ANKRD28: variants seen among roughly 807,000 people sequenced by gnomAD.
ANKRD28 encodes ankyrin repeat domain 28.
ANKRD28 carries 44 observed loss-of-function variants against 126.5 expected under a neutral mutation model. The observed-to-expected ratio is 0.35, with a 90% confidence interval of 0.27 to 0.45. The LOEUF is 0.45. Ranked by LOEUF, ANKRD28 falls within the 20% of genes least tolerant of loss-of-function variation. The pLI is 1.00. For missense variants in ANKRD28, 1,110 were observed against 1,316.6 expected (o/e 0.84, Z 2.43); for synonymous variants, 442 against 468.5 (o/e 0.94, Z 0.73).
At chr3:15,848,682 A>AG (rs1234551717) in intron 1 of ANKRD28, among the ~76,000 whole-genome samples, 1 of 152,146 alleles carries the variant, frequency 6.6e-6, no homozygotes, top group African/African-American at 2.4e-5. Flanking sequence ...ACTTAAAAAA[A>AG]AAAAAATATA....
Position 15,670,311 on chromosome 3 carries a change from C to T in ANKRD28, c.3211G>A (p.Asp1071Asn). ...TCGGAGTCGTTGAGCTCATCCACGT[C>T]AGTGTATAAGTACTCCTGTTCCCCT... ...IGGEQEYLYTDVDELNDSDSE... is the reference protein window; with the variant it reads ...IGGEQEYLYTNVDELNDSDSE... The change falls in exon 28 of 28, where the codon GAC (aspartate) becomes AAC (asparagine). Residue 1071 changes from aspartate (D) to asparagine (N), a missense_variant. Asp to Asn is a conservative substitution (Grantham distance 23). Transcript: ENST00000683139. 5 of 1,613,960 alleles carry T rather than the reference C, an allele frequency of 3.1e-6. No individual in the cohort carries two copies. The highest frequency in any genetic ancestry group is 4.2e-6 in the Non-Finnish European group (5 of 1,179,836).
At chr3:15,720,443 GTCACC>G (rs1480376867) in intron 8 of ANKRD28, among the ~76,000 whole-genome samples, 1 of 152,110 alleles carries the variant, frequency 6.6e-6, no homozygotes, top group Non-Finnish European at 1.5e-5. Flanking sequence ...CATCATACAT[GTCACC>G]TCTAAACACA....
chr3:15,697,965 G>A (rs1559358031), intron 14 of ANKRD28, among the ~76,000 whole-genome samples: 1 of 152,048 alleles, frequency 6.6e-6, no homozygotes, highest in East Asian at 1.9e-4. Flanking sequence ...TCTTGGGAGG[G>A]TGTATATGTC....
At chr3:15,672,155 T>A (rs1200890525) in intron 27 of ANKRD28, among the ~76,000 whole-genome samples, 1 of 151,882 alleles carries the variant, frequency 6.6e-6, no homozygotes, top group Non-Finnish European at 1.5e-5. Flanking sequence ...GATTTTTTTT[T>A]TTTTTTTTGA....
intron 4 of ANKRD28, among the ~76,000 whole-genome samples, chr3:15,745,529 G>T (rs925674549): frequency 4.6e-5 from 7 of 152,000 alleles, no homozygotes; most frequent in Non-Finnish European, 8.8e-5. Context: ...TAAGTATTTG[G>T]CCTTATTTCT....
At chr3:15,847,447 T>C (rs2061552816) in intron 1 of ANKRD28, among the ~76,000 whole-genome samples, 1 of 152,200 alleles carries the variant, frequency 6.6e-6, no homozygotes, top group Non-Finnish European at 1.5e-5. Context: ...AGTGACCTCA[T>C]TCACTTTAAT....
intron 8 of ANKRD28, among the ~76,000 whole-genome samples, chr3:15,719,899 C>G (rs1380993150): frequency 2.6e-5 from 4 of 151,990 alleles, no homozygotes; most frequent in Non-Finnish European, 4.4e-5. Flanking sequence ...GAGACAGGGT[C>G]TCACTCTGTC....
intron 4 of ANKRD28, among the ~76,000 whole-genome samples, chr3:15,749,957 C>T (rs945507974): frequency 6.6e-6 from 1 of 152,134 alleles, no homozygotes; most frequent in African/African-American, 2.4e-5. Context: ...TAGTCATCTG[C>T]CTTGTAATTT....
chr3:15,672,144 G>T (rs542630513), intron 27 of ANKRD28, among the ~76,000 whole-genome samples: 1 of 146,586 alleles, frequency 6.8e-6, no homozygotes, highest in Non-Finnish European at 1.5e-5. Context: ...GATAAAAAAA[G>T]GATTTTTTTT....
rs540193839 is a variant in ANKRD28 at position 15,668,542 on chromosome 3, C to G, written c.*1728G>C. 6.6e-6 allele frequency: 1 copy of G among 152,360 alleles called. No individual in the cohort carries two copies. The highest frequency in any genetic ancestry group is 2.4e-5 in the African/African-American group (1 of 41,400). 9.4% of individuals were successfully genotyped at this position (152,360 alleles called of 1,614,324 possible). On this transcript the variant is annotated 3_prime_UTR_variant, in exon 28 of 28. Transcript: ENST00000683139. Reference sequence around the variant, plus strand: ...GAAAAAATGCTTAAAATCTAGTAGTCAATGCCCTAGAAACTTTATAGATTT... The same window carrying G: ...GAAAAAATGCTTAAAATCTAGTAGTGAATGCCCTAGAAACTTTATAGATTT...
intron 8 of ANKRD28, among the ~76,000 whole-genome samples, chr3:15,717,514 A>G (rs2073209045): frequency 6.6e-6 from 1 of 152,010 alleles, no homozygotes; most frequent in African/African-American, 2.4e-5. Context: ...GCAGAAAACT[A>G]GGAGTATTAA....
In ANKRD28 at chr3:15,850,458, C is replaced by T. The variant is rs117122996; in HGVS notation, c.27+8919G>A. On this transcript the variant is annotated intron_variant, in intron 1 of 27. Transcript: ENST00000399451. Reference sequence around the variant, plus strand: ...GTTGTGGAGAGTACTAGCCTGAAATCAAGGTGACCTTCTGAACACTAAGGG... The same window carrying T: ...GTTGTGGAGAGTACTAGCCTGAAATTAAGGTGACCTTCTGAACACTAAGGG... 4.1e-3 allele frequency among the ~76,000 whole-genome samples: 627 copies of T among 152,094 alleles called. 5 individuals carry two copies. The highest frequency in any genetic ancestry group is 0.019 in the East Asian group (98 of 5,158).
chr3:15,771,690 A>G (rs1330306113), intron 2 of ANKRD28, among the ~76,000 whole-genome samples: 1 of 152,192 alleles, frequency 6.6e-6, no homozygotes, highest in Non-Finnish European at 1.5e-5. Flanking sequence ...CACCTCCAAG[A>G]TTGAAGATCA....
chr3:15,827,565 T>C (rs2061094375), intron 1 of ANKRD28, among the ~76,000 whole-genome samples: 1 of 152,158 alleles, frequency 6.6e-6, no homozygotes, highest in Non-Finnish European at 1.5e-5. Flanking sequence ...CATCATTTGT[T>C]GAAAAGACTG....
intron 14 of ANKRD28, among the ~76,000 whole-genome samples, chr3:15,704,901 TA>T (rs1372802973): frequency 1.3e-5 from 2 of 152,152 alleles, no homozygotes; most frequent in African/African-American, 2.4e-5. Flanking sequence ...TGATACTTAA[TA>T]AAGATAGGAA....
intron 4 of ANKRD28, among the ~76,000 whole-genome samples, chr3:15,749,880 CA>C (rs2057753936): frequency 6.6e-6 from 1 of 152,190 alleles, no homozygotes; most frequent in African/African-American, 2.4e-5. Flanking sequence ...TGGATACTAG[CA>C]CCTGCTCCAG....
At chr3:15,697,001 A>G (rs1355642063) in intron 14 of ANKRD28, among the ~76,000 whole-genome samples, 1 of 152,242 alleles carries the variant, frequency 6.6e-6, no homozygotes, top group East Asian at 1.9e-4. Context: ...TGTTTATAGC[A>G]GTACAATTCG....
At chr3:15,708,282 A>G (rs961480477) in intron 13 of ANKRD28, among the ~76,000 whole-genome samples, 3 of 152,214 alleles carry the variant, frequency 2.0e-5, no homozygotes, top group African/African-American at 7.2e-5. Context: ...ATGAAAATGC[A>G]GTTATTTCAT....
At position 15,678,292 on chromosome 3, in the gene ANKRD28, T is replaced by G. The variant is rs1486893830; in HGVS notation, c.2624A>C (p.His875Pro). 1 of 1,613,248 alleles carries G rather than the reference T, an allele frequency of 6.2e-7. No individual in the cohort carries two copies. The highest frequency in any genetic ancestry group is 1.1e-5 in the South Asian group (1 of 91,058). The change falls in exon 24 of 28, where the codon CAT becomes CCT. Residue 875 changes from histidine (H) to proline (P), a missense_variant. Transcript: ENST00000683139. ...HVECLQLLLSHNAQVNSVDST... is the reference protein window; with the variant it reads ...HVECLQLLLSPNAQVNSVDST... ...GTCCACAGAATTGACTTGAGCATTA[T>G]GGCTGAGCAGCAGCTGTAAACACTC...
Sources: gnomAD v4.1 joint callset for allele counts (sites outside exome capture counted in the v4.1 genomes callset) on GRCh38, gnomAD v4.1.1 for gene constraint, MANE v1.5 for transcripts, NCBI Gene and HGNC (gene_info 2026-07-23, HGNC 2026-07-21) for gene names.